The following DNAAF5 variants were observed in gnomAD, a reference collection of about 807,000 sequenced individuals.
The protein encoded by DNAAF5 is HEAT repeat containing 2.
A neutral mutation model predicts 75.8 loss-of-function variants in DNAAF5; 64 were observed. The observed-to-expected ratio is 0.84, with a 90% CI of 0.69 to 1.04. The LOEUF (loss-of-function observed/expected upper bound fraction) is 1.04, where lower values mean the gene tolerates loss of function less well. DNAAF5 is among the 50% of genes least tolerant of loss of function. The pLI is 0.00. For synonymous variants in DNAAF5, 657 were observed against 557.2 expected (o/e 1.18, Z -2.52); for missense variants, 1,269 against 1,178.5 (o/e 1.08, Z -1.12).
intron 12 of DNAAF5, among the ~76,000 whole-genome samples, chr7:780,851 G>GTT (rs1778917018): frequency 8.8e-6 from 1 of 113,222 alleles, no homozygotes. Flanking sequence ...GTTTTGTTTT[G>GTT]TTGTTGGTGA....
At chr7:774,417 C>G (rs575574756) in intron 10 of DNAAF5, among the ~76,000 whole-genome samples, 1 of 152,186 alleles carries the variant, frequency 6.6e-6, no homozygotes, top group Non-Finnish European at 1.5e-5. Flanking sequence ...GGAGCCAGGC[C>G]GCGGGCCCAG....
intron 12 of DNAAF5, among the ~76,000 whole-genome samples, chr7:782,958 G>A (rs1779023714): frequency 6.6e-6 from 1 of 152,280 alleles, no homozygotes; most frequent in Admixed American, 6.5e-5. Flanking sequence ...TCGTCCTGGG[G>A]TGGCTGCTCT....
chr7:782,721 C>T (rs1779011936), intron 12 of DNAAF5, among the ~76,000 whole-genome samples: 2 of 121,246 alleles, frequency 1.6e-5, no homozygotes, highest in Non-Finnish European at 3.5e-5. Flanking sequence ...CTCGATCTTC[C>T]TGGCGTGGCC....
chr7:741,526 C>T, intron 4 of DNAAF5, 61 bp downstream of exon 4: 1 of 909,676 alleles, frequency 1.1e-6, no homozygotes, highest in Non-Finnish European at 1.6e-6. Flanking sequence ...GGGAAAGGGG[C>T]TTCTGAGCCT....
At chr7:730,667 C>T (rs909590228) in intron 2 of DNAAF5, among the ~76,000 whole-genome samples, 3 of 152,224 alleles carry the variant, frequency 2.0e-5, no homozygotes, top group African/African-American at 7.2e-5. Context: ...CCAGGTGTGA[C>T]ATAGCACCTG....
chr7:755,713 G>A (rs564953206), intron 5 of DNAAF5, among the ~76,000 whole-genome samples: 1 of 152,214 alleles, frequency 6.6e-6, no homozygotes, highest in East Asian at 1.9e-4. Flanking sequence ...CCTGGGCGAC[G>A]GAATGAGACG....
chr7:739,006 G>A (rs1192892613), intron 2 of DNAAF5, among the ~76,000 whole-genome samples: 2 of 152,226 alleles, frequency 1.3e-5, no homozygotes, highest in Admixed American at 1.3e-4. Flanking sequence ...TTGTGGCCCT[G>A]GACGCCTGCC....
In DNAAF5 at chr7:729,699, C is replaced by T. The variant is rs1346461395; in HGVS notation, c.632C>T (p.Pro211Leu). Residue 211 changes from proline to leucine, a missense_variant, in exon 2 of 13, where the codon CCC becomes CTC. Physicochemically the swap from Pro to Leu is moderately conservative, Grantham distance 98. Transcript: ENST00000297440. The part of the protein sequence containing the change: ...FHMQSESLIG[P>L]LMQTISHQHW... ...ATGCAGTCGGAGTCTCTGATCGGGC[C>T]CCTGATGCAGACCATCTCCCACCAG... 4 of 1,613,944 alleles carry T rather than the reference C, an allele frequency of 2.5e-6. No individual in the cohort carries two copies. The highest frequency in any genetic ancestry group is 3.3e-5 in the Admixed American group (2 of 59,998).
intron 12 of DNAAF5, among the ~76,000 whole-genome samples, chr7:783,689 C>T (rs969533161): frequency 6.6e-5 from 10 of 152,222 alleles, no homozygotes; most frequent in Admixed American, 1.3e-4. Flanking sequence ...GCTGGGACAG[C>T]CCATCCTGCC....
chr7:735,495 CATATTGTAGTTGCTG>C (rs1220080979), intron 2 of DNAAF5, among the ~76,000 whole-genome samples: 1 of 150,584 alleles, frequency 6.6e-6, no homozygotes, highest in East Asian at 2.0e-4. Flanking sequence ...TGTCGTTGCT[CATATTGTAGTTGCTG>C]ATATTGTTGC....
intron 5 of DNAAF5, 54 bp from the exon 6 acceptor site, chr7:756,728 C>G: frequency 6.4e-7 from 1 of 1,567,026 alleles, no homozygotes; most frequent in Non-Finnish European, 8.8e-7. Context: ...GAGCAGGAGC[C>G]CGGCTGAGAC....
At chr7:735,091 C>T (rs941317732) in intron 2 of DNAAF5, among the ~76,000 whole-genome samples, 1 of 143,836 alleles carries the variant, frequency 7.0e-6, no homozygotes, top group Non-Finnish European at 1.5e-5. Context: ...CATACTGTTG[C>T]TCATGGTGTT....
intron 12 of DNAAF5, among the ~76,000 whole-genome samples, chr7:783,972 C>G (rs1186466099): frequency 1.3e-5 from 2 of 151,788 alleles, no homozygotes; most frequent in African/African-American, 2.4e-5. Flanking sequence ...ACAGGCCATT[C>G]TTTCTCCTGT....
rs1415478474 is a variant in DNAAF5 at position 726,944 on chromosome 7, G to A, written c.224G>A (p.Arg75His). Residue 75 changes from arginine (R) to histidine (H), a missense_variant, in exon 1 of 13, where the codon CGC (arginine) becomes CAC (histidine). Physicochemically the swap from Arg to His is conservative, Grantham distance 29 (BLOSUM62 0). Coordinates refer to ENST00000297440, the MANE Select transcript of DNAAF5 (RefSeq NM_017802.4). ...DPTAFQGPWA[R>H]LLLPRLLRCL... ...ACCGCTTTCCAGGGCCCCTGGGCGC[G>A]CCTACTGCTGCCGCGCTTGCTGCGC... The A allele has an allele frequency of 3.0e-6, 4 of 1,334,346 alleles. No individual in the cohort carries two copies. Among genetic ancestry groups the A allele is most frequent in the South Asian group, 3.4e-5 (2 of 58,412 alleles). 82.7% of individuals were successfully genotyped at this position (1,334,346 alleles called of 1,614,324 possible). A position where few individuals can be genotyped will look rare whatever the true frequency, so the allele number is the denominator to read the frequency against.
rs974491392 is a variant in DNAAF5 at position 786,085 on chromosome 7, C to T, written c.*432C>T. 3 of 158,646 alleles carry T rather than the reference C, an allele frequency of 1.9e-5. No individual in the cohort carries two copies. Among genetic ancestry groups the T allele is most frequent in the Non-Finnish European group, 4.1e-5 (3 of 72,468 alleles). 9.8% of individuals were successfully genotyped at this position (158,646 alleles called of 1,614,324 possible). ...AAGAAATGAAATCTCTTTTTGGGTT[C>T]TGTCTACTGAAATTTAATATCTCAG... On this transcript the variant is annotated 3_prime_UTR_variant, in exon 13 of 13. Transcript: ENST00000297440.
At chr7:775,980 C>T (rs911529504) in intron 11 of DNAAF5, among the ~76,000 whole-genome samples, 17 of 152,146 alleles carry the variant, frequency 1.1e-4, no homozygotes, top group Non-Finnish European at 2.4e-4. Flanking sequence ...TTCCTGGAAC[C>T]AAACCCCACA....
intron 8 of DNAAF5, among the ~76,000 whole-genome samples, chr7:767,062 A>G (rs1778325595): frequency 6.6e-6 from 1 of 151,762 alleles, no homozygotes; most frequent in South Asian, 2.1e-4. Context: ...ACATGATGAA[A>G]CCCCGTCTCT....
chr7:754,850 C>T lies in DNAAF5; in HGVS notation c.1257+29C>T, dbSNP rs1396621507. 6.0e-6 allele frequency: 9 copies of T among 1,509,786 alleles called. No individual in the cohort carries two copies. Among genetic ancestry groups the T allele is most frequent in the Admixed American group, 5.6e-5 (3 of 53,272 alleles). 93.5% of individuals were successfully genotyped at this position (1,509,786 alleles called of 1,614,324 possible). The stretch of plus-strand genomic sequence containing the variant: ...AGTGGCCGTATTCCAGTCGTGGTCG[C>T]GGAGCTGTAACTCGAGCTTAAGATC... On this transcript the variant is annotated intron_variant, in intron 5 of 12. Coordinates refer to ENST00000297440, the MANE Select transcript of DNAAF5 (RefSeq NM_017802.4). This position sits in a 1 kb window ranked among gnomAD's most constrained non-coding sequence, Gnocchi z 4.8.
chr7:768,638 G>A (rs1778437474), intron 8 of DNAAF5: 1 of 155,562 alleles, frequency 6.4e-6, no homozygotes, highest in South Asian at 1.9e-4. Context: ...ATGCTGGGAA[G>A]GCAGATGGGT....
Sources: gnomAD v4.1 joint callset for allele counts (sites outside exome capture counted in the v4.1 genomes callset) on GRCh38, gnomAD v4.1.1 for gene constraint, Gnocchi (gnomAD v3.1) non-coding constraint, MANE v1.5 for transcripts, NCBI Gene and HGNC (gene_info 2026-07-23, HGNC 2026-07-21) for gene names.